The following PCDHA2 variants were observed in gnomAD, a reference collection of about 807,000 sequenced individuals.
PCDHA2 encodes the protein protocadherin alpha 2.
In PCDHA2, 58 loss-of-function variants were observed where a neutral mutation model predicts 66.0. The ratio of observed to expected loss-of-function variants is 0.88; its 90% CI spans 0.71 to 1.09. The LOEUF is 1.09. Ranked by LOEUF, PCDHA2 falls within the 50% of genes least tolerant of loss-of-function variation. The pLI, the probability that PCDHA2 is intolerant of heterozygous loss-of-function variation, is 0.00. For missense variants in PCDHA2, 1,267 were observed against 1,242.3 expected, an observed-to-expected ratio of 1.02 and a Z score of -0.30; for synonymous variants, 634 against 554.0, an observed-to-expected ratio of 1.14 and a Z score of -2.03.
At chr5:140,836,745 C>A in intron 1 of PCDHA2, 1 of 1,588,116 alleles carries the variant, frequency 6.3e-7, no homozygotes, top group Non-Finnish European at 8.6e-7. Flanking sequence ...CAATGTGAGT[C>A]ATAAATAATC....
rs1554149565 is a variant in PCDHA2, at chr5:140,857,132, G to T, written c.2388+59780G>T. Reference sequence around the variant, plus strand: ...TCTGTCTCTCCCAGTGAAAGAAGATGCTCAAGTGGGCACCGTCATTGCCCT... The same window carrying T: ...TCTGTCTCTCCCAGTGAAAGAAGATTCTCAAGTGGGCACCGTCATTGCCCT... On this transcript the variant is annotated intron_variant, in intron 1 of 3. Coordinates refer to ENST00000526136, the MANE Select transcript of PCDHA2 (RefSeq NM_018905.3). The T allele has an allele frequency of 3.1e-6, 5 of 1,598,146 alleles. 1 individual carries two copies. The South Asian group carries it at 3.3e-5, about 11-fold the overall frequency.
chr5:140,877,168 C>T lies in PCDHA2; in HGVS notation c.2388+79816C>T, dbSNP rs199567490. The T allele has an allele frequency of 1.0e-4, 161 of 1,613,836 alleles. No homozygotes were observed. In the African/African-American group the frequency reaches 2.0e-3, roughly 20 times the overall value. On this transcript the variant is annotated intron_variant, in intron 1 of 3. Coordinates refer to ENST00000526136, the MANE Select transcript of PCDHA2 (RefSeq NM_018905.3). ...CGAGAACGACAACGCGCCGGCACTG[C>T]TGGCGACTCCGGCTGGCAGCGCAGG...
chr5:140,800,177 G>A (rs1762517897), intron 1 of PCDHA2, among the ~76,000 whole-genome samples: 1 of 151,986 alleles, frequency 6.6e-6, no homozygotes, highest in African/African-American at 2.4e-5. Flanking sequence ...AAAGAGTGTG[G>A]AAAAATTAAA....
At chr5:140,928,319 A>AGAAT (rs1554205765) in intron 1 of PCDHA2, 1 of 1,614,082 alleles carries the variant, frequency 6.2e-7, no homozygotes, top group Non-Finnish European at 8.5e-7. Flanking sequence ...GACCTGGGGA[A>AGAAT]GAATGGCCTT....
rs1780817740 is a variant in PCDHA2 at position 140,847,024 on chromosome 5, AAG to A, written c.2388+49676_2388+49677del. Among the ~76,000 whole-genome samples, 2 of 149,770 alleles carry A rather than the reference AAG, an allele frequency of 1.3e-5. 1 individual carries two copies. Among genetic ancestry groups the A allele is most frequent in the Non-Finnish European group, 3.0e-5 (2 of 66,958 alleles). The stretch of plus-strand genomic sequence containing the variant: ...TTGAGAATGATAGACATTTCTTGGA[AAG>A]AGAAAACATAAGGAAAGTTGAAGAC... On this transcript the variant is annotated intron_variant, in intron 1 of 3. Coordinates refer to ENST00000526136, the MANE Select transcript of PCDHA2 (RefSeq NM_018905.3).
At chr5:140,869,145 A>G (rs1013407350) in intron 1 of PCDHA2, 58 of 1,613,508 alleles carry the variant, frequency 3.6e-5, no homozygotes, top group Non-Finnish European at 4.7e-5. Context: ...CCCCACGACT[A>G]CAGCTCTGGC....
In PCDHA2 at chr5:141,010,358, C is replaced by G; in HGVS notation, c.*421C>G. 1 of 1,488,620 alleles carries G rather than the reference C, an allele frequency of 6.7e-7. No homozygotes were observed. The highest frequency in any genetic ancestry group is 1.3e-5 in the South Asian group (1 of 76,158). 92.2% of individuals were successfully genotyped at this position (1,488,620 alleles called of 1,614,324 possible). On this transcript the variant is annotated 3_prime_UTR_variant, in exon 4 of 4. Transcript: ENST00000526136. ...GTGGCCACTGGGTATGTGTGGCTAC[C>G]GCGGGTATGCGAGTGCCAGATATTG...
At chr5:140,881,729 A>G (rs2058810929) in intron 1 of PCDHA2, among the ~76,000 whole-genome samples, 1 of 152,206 alleles carries the variant, frequency 6.6e-6, no homozygotes. Flanking sequence ...CTTGAAAAAT[A>G]TTACAGGAAG....
At chr5:140,926,703 C>A in intron 1 of PCDHA2, 2 of 835,416 alleles carry the variant, frequency 2.4e-6, no homozygotes, top group Non-Finnish European at 3.4e-6. Context: ...CGGCTCCCAG[C>A]TGGCCAGCCC....
chr5:140,913,526 A>T (rs1171997127), intron 1 of PCDHA2, among the ~76,000 whole-genome samples: 1 of 151,968 alleles, frequency 6.6e-6, no homozygotes, highest in Non-Finnish European at 1.5e-5. Flanking sequence ...TTATCTTTTC[A>T]AAAGATTGAC....
chr5:140,884,460 C>A (rs782410675), intron 1 of PCDHA2: 72 of 1,613,614 alleles, frequency 4.5e-5, no homozygotes, highest in Non-Finnish European at 5.8e-5. Context: ...ACCGAGGGCG[C>A]GTGCGCGCCG....
intron 1 of PCDHA2, chr5:140,823,626 G>T: frequency 6.2e-7 from 1 of 1,614,032 alleles, no homozygotes; most frequent in Non-Finnish European, 8.5e-7. Flanking sequence ...CTGGCAGTGC[G>T]CGCATCCCGT....
At chr5:140,842,322 G>C (rs1349163820) in intron 1 of PCDHA2, 7 of 1,607,496 alleles carry the variant, frequency 4.4e-6, no homozygotes, top group Admixed American at 3.3e-5. Flanking sequence ...GCGGGTCATT[G>C]CACCGTTTTA....
chr5:140,956,434 T>G (rs1554222427), intron 1 of PCDHA2, among the ~76,000 whole-genome samples: 1 of 152,236 alleles, frequency 6.6e-6, no homozygotes, highest in Non-Finnish European at 1.5e-5. Flanking sequence ...TTAGTTCTGC[T>G]TATGTGATGA....
intron 1 of PCDHA2, among the ~76,000 whole-genome samples, chr5:140,974,338 A>G (rs1554235945): frequency 6.6e-6 from 1 of 152,212 alleles, no homozygotes; most frequent in Non-Finnish European, 1.5e-5. Flanking sequence ...CTAGCAGGCT[A>G]TGCATCCAGA....
chr5:140,967,278 G>T, intron 1 of PCDHA2: 1 of 1,613,408 alleles, frequency 6.2e-7, no homozygotes, highest in Non-Finnish European at 8.5e-7. Context: ...CACATAGAGA[G>T]TGCGCAGGAC....
rs782520879 is a variant in PCDHA2, at chr5:141,009,808, T to A, written c.2718T>A (p.Ile906=). Residue 906 remains isoleucine (I), a synonymous_variant, in exon 4 of 4, where the codon ATT becomes ATA. Transcript: ENST00000526136. ...GGCAGGAGCCTACTAACAGCCAAAT[T>A]GACAAAAGTGACTTCATAACCTTCG... The part of the protein sequence containing the change: ...SIRQEPTNSQ[I]DKSDFITFGK... The A allele has an allele frequency of 1.2e-6, 2 of 1,613,832 alleles. No homozygotes were observed. The highest frequency in any genetic ancestry group is 2.2e-5 in the South Asian group (2 of 91,042).
intron 1 of PCDHA2, among the ~76,000 whole-genome samples, chr5:140,911,493 A>G (rs1157677496): frequency 6.6e-6 from 1 of 152,168 alleles, no homozygotes; most frequent in African/African-American, 2.4e-5. Context: ...CAATCTTAGC[A>G]GGTTTGAGGT....
At chr5:140,801,876 C>T in intron 1 of PCDHA2, 1 of 1,614,108 alleles carries the variant, frequency 6.2e-7, no homozygotes, top group East Asian at 2.2e-5. Context: ...TGGCACGACT[C>T]AACTAAAGAT....
Sources: allele counts gnomAD v4.1 joint callset (sites outside exome capture counted in the v4.1 genomes callset), GRCh38; gene constraint gnomAD v4.1.1; transcripts MANE v1.5; gene names NCBI Gene and HGNC (gene_info 2026-07-23, HGNC 2026-07-21).